Variants in MMD2 observed in about 807,000 individuals in gnomAD.
MMD2 encodes the protein monocyte to macrophage differentiation associated 2.
A neutral mutation model predicts 33.5 loss-of-function variants in MMD2; 30 were observed. That is an observed-to-expected ratio of 0.90 (90% CI 0.67 to 1.22). MMD2 has a LOEUF of 1.22. Among genes scored for constraint, MMD2 ranks in the 50% most tolerant of loss-of-function variants. The pLI is 0.00. For synonymous variants in MMD2, 129 were observed against 123.0 expected (o/e 1.05, Z -0.32); for missense variants, 364 against 325.4 (o/e 1.12, Z -0.91).
intron 1 of MMD2, among the ~76,000 whole-genome samples, chr7:4,953,921 C>T (rs1234868777): frequency 1.3e-5 from 2 of 151,920 alleles, no homozygotes; most frequent in South Asian, 2.1e-4. Flanking sequence ...TGCAGTGGCA[C>T]GATCATAGCT....
chr7:4,917,652 A>G (rs993774462), intron 3 of MMD2, among the ~76,000 whole-genome samples: 1 of 152,022 alleles, frequency 6.6e-6, no homozygotes, highest in Admixed American at 6.6e-5. Context: ...AGATCATGCC[A>G]CTGCACTCCA....
At position 4,920,587 on chromosome 7, in the gene MMD2, C is replaced by T. The variant is rs1326032622; in HGVS notation, c.130-256G>A. Among the ~76,000 whole-genome samples the T allele has an allele frequency of 3.4e-5, 5 of 148,330 alleles. No homozygotes were observed. The East Asian group carries it at 6.0e-4, about 18-fold the overall frequency. On this transcript the variant is annotated intron_variant, in intron 2 of 6. Coordinates refer to ENST00000401401, the MANE Select transcript of MMD2 (RefSeq NM_198403.4). ...TCCAGCCTTCCTTCCTTCCTCTCTT[C>T]TTTCCTTCCTTTCCTTTCCCTTTTC...
At chr7:4,935,285 G>A (rs2137501) in intron 1 of MMD2, among the ~76,000 whole-genome samples, 24,041 of 151,970 alleles carry the variant, frequency 0.16, 2,041 homozygotes, top group East Asian at 0.32. Context: ...CCAGGAGGTC[G>A]ACGCTGCAGT....
intron 1 of MMD2, among the ~76,000 whole-genome samples, chr7:4,926,838 G>A (rs1185930045): frequency 2.0e-5 from 3 of 151,854 alleles, no homozygotes; most frequent in Non-Finnish European, 4.4e-5. Flanking sequence ...TCCGCCTCCT[G>A]GGTTCACGCC....
Position 4,930,271 on chromosome 7 carries a change from C to CAA in MMD2, c.48-4741_48-4740dup, listed in dbSNP as rs770469673. 6.9e-3 allele frequency among the ~76,000 whole-genome samples: 325 copies of CAA among 47,058 alleles called. 7 individuals are homozygous for CAA. Among genetic ancestry groups the CAA allele is most frequent in the African/African-American group, 0.016 (199 of 12,198 alleles). 30.9% of individuals were successfully genotyped at this position (47,058 alleles called of 152,430 possible). On this transcript the variant is annotated intron_variant, in intron 1 of 6. Transcript: ENST00000401401. ...TGGGAGACAGAACAAGACTCCATCT[C>CAA]AAAAAAAAAAAAAAAAAAAAGAGCC...
the MMD2 span, among the ~76,000 whole-genome samples, chr7:4,899,607 G>C: frequency 6.6e-6 from 1 of 152,092 alleles, no homozygotes; most frequent in Non-Finnish European, 1.5e-5. Flanking sequence ...TGTTGGCCAG[G>C]CTGGTCTCGA....
chr7:4,952,689 ATTT>A (rs36030563), intron 1 of MMD2, among the ~76,000 whole-genome samples: 84 of 110,552 alleles, frequency 7.6e-4, no homozygotes, highest in African/African-American at 2.0e-3. Context: ...TCCGTATGAG[ATTT>A]TTTTTTTTTT....
intron 1 of MMD2, among the ~76,000 whole-genome samples, chr7:4,943,431 C>T (rs1426625672): frequency 6.6e-6 from 1 of 152,090 alleles, no homozygotes; most frequent in Non-Finnish European, 1.5e-5. Flanking sequence ...GCGTGCGCCA[C>T]CGTGCCCAGT....
At chr7:4,953,419 C>G (rs1051193885) in intron 1 of MMD2, among the ~76,000 whole-genome samples, 1 of 149,060 alleles carries the variant, frequency 6.7e-6, no homozygotes, top group Non-Finnish European at 1.5e-5. Flanking sequence ...ACACTGGCAA[C>G]TAGATGGATG....
chr7:4,902,883 C>T (rs965669828), downstream of MMD2, among the ~76,000 whole-genome samples: 3 of 152,186 alleles, frequency 2.0e-5, no homozygotes, highest in Non-Finnish European at 4.4e-5. Flanking sequence ...CTTCCTGAGC[C>T]CAGTAGCAGG....
chr7:4,907,274 G>A lies in MMD2; in HGVS notation c.*122C>T. 1.1e-6 allele frequency: 1 copy of A among 916,108 alleles called. No homozygotes were observed. 56.7% of individuals were successfully genotyped at this position (916,108 alleles called of 1,614,324 possible). ...TCTGGCTGTCACCAGAAGTCACCTTGGAGCCATCAAGAACTCTACCCAATA... is the reference window on the plus strand; with the variant it reads ...TCTGGCTGTCACCAGAAGTCACCTTAGAGCCATCAAGAACTCTACCCAATA... On this transcript the variant is annotated 3_prime_UTR_variant, in exon 7 of 7. Transcript: ENST00000401401.
intron 1 of MMD2, among the ~76,000 whole-genome samples, chr7:4,938,237 C>T (rs1785803732): frequency 6.6e-6 from 1 of 151,970 alleles, no homozygotes; most frequent in Admixed American, 6.6e-5. Context: ...TCTCAAACTC[C>T]TGACCTCGTG....
chr7:4,957,173 A>ATAT (rs996485036), intron 1 of MMD2, among the ~76,000 whole-genome samples: 36 of 127,376 alleles, frequency 2.8e-4, no homozygotes, highest in African/African-American at 5.3e-4. Context: ...CAAAAAAAAA[A>ATAT]ATATATATAT....
chr7:4,952,918 C>T (rs1319627222), intron 1 of MMD2, among the ~76,000 whole-genome samples: 1 of 151,990 alleles, frequency 6.6e-6, no homozygotes, highest in Non-Finnish European at 1.5e-5. Flanking sequence ...TTCAAGTGAT[C>T]TGCCTGCTTC....
intron 6 of MMD2, among the ~76,000 whole-genome samples, chr7:4,908,869 G>A (rs755340550): frequency 2.7e-5 from 4 of 149,012 alleles, no homozygotes; most frequent in Non-Finnish European, 5.9e-5. Flanking sequence ...TGCATTCCAC[G>A]CTGGGCAACA....
the MMD2 span, among the ~76,000 whole-genome samples, chr7:4,896,478 G>A: frequency 6.6e-6 from 1 of 151,930 alleles, no homozygotes; most frequent in Non-Finnish European, 1.5e-5. Flanking sequence ...AGACTCTGTC[G>A]CAAAAAAATT....
intron 1 of MMD2, among the ~76,000 whole-genome samples, chr7:4,934,162 T>C (rs1009425483): frequency 6.6e-6 from 1 of 152,020 alleles, no homozygotes; most frequent in Non-Finnish European, 1.5e-5. Context: ...ACTCCTGACC[T>C]CAAGTGATCT....
chr7:4,942,292 G>A (rs1267736670), intron 1 of MMD2, among the ~76,000 whole-genome samples: 4 of 151,052 alleles, frequency 2.6e-5, no homozygotes, highest in Non-Finnish European at 4.4e-5. Context: ...GATGGGGGGG[G>A]TCTTGCCATG....
At position 4,939,522 on chromosome 7, in the gene MMD2, G is replaced by A. The variant is rs139507876; in HGVS notation, c.48-13990C>T. 1.7e-3 allele frequency among the ~76,000 whole-genome samples: 260 copies of A among 152,212 alleles called. 2 individuals are homozygous for A. The highest frequency in any genetic ancestry group is 6.0e-3 in the African/African-American group (251 of 41,540). On this transcript the variant is annotated intron_variant, in intron 1 of 6. Transcript: ENST00000401401. Reference sequence around the variant, plus strand: ...CATGTCACTGCACTCCAGCCTGGGCGACAGAGAGAGACCTAGTCTCAGAAA... The same window carrying A: ...CATGTCACTGCACTCCAGCCTGGGCAACAGAGAGAGACCTAGTCTCAGAAA...
Sources: gnomAD v4.1 joint callset for allele counts (sites outside exome capture counted in the v4.1 genomes callset) on GRCh38, gnomAD v4.1.1 for gene constraint, MANE v1.5 for transcripts, NCBI Gene and HGNC (gene_info 2026-07-23, HGNC 2026-07-21) for gene names.